Variants in CFTR observed in about 807,000 individuals in gnomAD.
CFTR encodes CF transmembrane conductance regulator, also known as cystic fibrosis transmembrane conductance regulator.
In CFTR, 181 loss-of-function variants were observed where a neutral mutation model predicts 171.6. That is an observed-to-expected ratio of 1.05 (90% CI 0.93 to 1.19). CFTR has a LOEUF of 1.19. Among genes scored for constraint, CFTR ranks in the 50% most tolerant of loss-of-function variants. The pLI is 0.00. For synonymous variants in CFTR, 583 were observed against 608.0 expected, an observed-to-expected ratio of 0.96 and a Z score of 0.60; for missense variants, 1,968 against 1,734.7, an observed-to-expected ratio of 1.13 and a Z score of -2.39.
intron 13 of CFTR, 134 bp from the exon 14 acceptor site, chr7:117,591,800 G>A: frequency 1.7e-6 from 1 of 578,248 alleles, no homozygotes; most frequent in Non-Finnish European, 2.9e-6. Context: ...AGTACTTATA[G>A]AATCATTTAA....
At position 117,587,427 on chromosome 7, in the gene CFTR, G is replaced by T. The variant is rs79526136; in HGVS notation, c.1585-312G>T. On this transcript the variant is annotated intron_variant, in intron 11 of 26. Transcript: ENST00000003084. ...ATTTGAATTTGTAAAATGGACCTATGGATGATCTACACATATTTATATACC... is the reference window on the plus strand; with the variant it reads ...ATTTGAATTTGTAAAATGGACCTATTGATGATCTACACATATTTATATACC... 4.6e-4 allele frequency among the ~76,000 whole-genome samples: 58 copies of T among 126,004 alleles called. 1 individual carries two copies. The East Asian group carries it at 0.013, about 27-fold the overall frequency. The allele number at this position is 126,004 out of a possible 152,430, so 82.7% of individuals were successfully genotyped here. A position where few individuals can be genotyped will look rare whatever the true frequency, so the allele number is the denominator to read the frequency against.
intron 8 of CFTR, among the ~76,000 whole-genome samples, chr7:117,541,650 AT>A (rs4148704): frequency 0.56 from 84,524 of 151,904 alleles, 26,487 homozygotes; most frequent in African/African-American, 0.86. Flanking sequence ...GAAGACATTC[AT>A]TTTTTTTCTC....
intron 17 of CFTR, chr7:117,604,834 C>G (rs928139958): frequency 6.6e-6 from 1 of 151,952 alleles, no homozygotes; most frequent in African/African-American, 2.4e-5. Context: ...AATCTGAGAC[C>G]CACAGAAGGC....
chr7:117,642,403 G>A (rs1792929813), intron 22 of CFTR, 35 bp from the exon 23 acceptor site: 1 of 1,590,392 alleles, frequency 6.3e-7, no homozygotes, highest in African/African-American at 1.3e-5. Flanking sequence ...GTACCTATAT[G>A]TCACAGAAGT....
intron 24 of CFTR, among the ~76,000 whole-genome samples, chr7:117,654,620 T>C (rs1793138967): frequency 6.6e-6 from 1 of 152,204 alleles, no homozygotes. Context: ...CAGTTTTCCC[T>C]GCTCTTGCAC....
chr7:117,540,233 A>G lies in CFTR; in HGVS notation c.1003A>G (p.Lys335Glu), dbSNP rs1431852129. 6.2e-7 allele frequency: 1 copy of G among 1,614,018 alleles called. No homozygotes were observed. The highest frequency in any genetic ancestry group is 8.5e-7 in the Non-Finnish European group (1 of 1,180,016). ...YALIKGIILRKIFTTISFCIV... is the reference protein window; with the variant it reads ...YALIKGIILREIFTTISFCIV... ...ACTAATCAAAGGAATCATCCTCCGG[A>G]AAATATTCACCACCATCTCATTCTG... The change falls in exon 8 of 27, where the codon AAA becomes GAA. Residue 335 changes from lysine (K) to glutamate (E), a missense_variant. Physicochemically the swap from Lys to Glu is moderately conservative, Grantham distance 56. Coordinates refer to ENST00000003084, the MANE Select transcript of CFTR (RefSeq NM_000492.4).
intron 11 of CFTR, chr7:117,564,599 A>G (rs1195946852): frequency 2.4e-5 from 4 of 166,806 alleles, no homozygotes; most frequent in Non-Finnish European, 4.4e-5. Context: ...CCAAATGCAA[A>G]CATTCATGAT....
At chr7:117,636,113 T>C (rs1792824538) in intron 22 of CFTR, among the ~76,000 whole-genome samples, 1 of 152,160 alleles carries the variant, frequency 6.6e-6, no homozygotes, top group Non-Finnish European at 1.5e-5. Flanking sequence ...TTCTTGACTT[T>C]TGAAGAATAA....
chr7:117,524,330 A>G (rs1798737101), intron 3 of CFTR, among the ~76,000 whole-genome samples: 1 of 151,956 alleles, frequency 6.6e-6, no homozygotes, highest in Non-Finnish European at 1.5e-5. Flanking sequence ...GCACATGTAA[A>G]TCCAGTGGCC....
chr7:117,502,732 G>A (rs1295970508), intron 1 of CFTR, among the ~76,000 whole-genome samples: 1 of 152,066 alleles, frequency 6.6e-6, no homozygotes, highest in Non-Finnish European at 1.5e-5. Flanking sequence ...TTGCTCTCCA[G>A]GAAAAATTAC....
chr7:117,507,672 A>G (rs1279213724), intron 2 of CFTR, among the ~76,000 whole-genome samples: 1 of 152,212 alleles, frequency 6.6e-6, no homozygotes, highest in East Asian at 1.9e-4. Context: ...AAAGGTAATT[A>G]GGCTTTATAG....
At chr7:117,525,493 C>T (rs1375571353) in intron 3 of CFTR, among the ~76,000 whole-genome samples, 15 of 95,812 alleles carry the variant, frequency 1.6e-4, no homozygotes, top group Non-Finnish European at 2.3e-4. Flanking sequence ...GTTAAAGTCT[C>T]CCATTATTAA....
chr7:117,629,275 T>C (rs1021929159), intron 22 of CFTR, among the ~76,000 whole-genome samples: 3 of 152,204 alleles, frequency 2.0e-5, no homozygotes, highest in African/African-American at 7.2e-5. Context: ...AGGCTATGGA[T>C]TGTGCCATTT....
At chr7:117,525,507 G>A (rs1237863578) in intron 3 of CFTR, among the ~76,000 whole-genome samples, 8 of 93,018 alleles carry the variant, frequency 8.6e-5, no homozygotes, top group African/African-American at 3.5e-4. Flanking sequence ...TTATTAATGT[G>A]TGGGAGTCTA....
intron 21 of CFTR, among the ~76,000 whole-genome samples, chr7:117,623,918 C>T (rs1331679753): frequency 6.6e-6 from 1 of 152,050 alleles, no homozygotes; most frequent in African/African-American, 2.4e-5. Context: ...GAGACATAAG[C>T]CACAGGTCCT....
chr7:117,664,752 G>C lies in CFTR; in HGVS notation c.4028G>C (p.Gly1343Ala), dbSNP rs773458471. 1 of 1,613,950 alleles carries C rather than the reference G, an allele frequency of 6.2e-7. No individual in the cohort carries two copies. Among genetic ancestry groups the C allele is most frequent in the Non-Finnish European group, 8.5e-7 (1 of 1,179,844 alleles). The change falls in exon 25 of 27, where the codon GGC becomes GCC. Residue 1343 changes from glycine to alanine, a missense_variant. Coordinates refer to ENST00000003084, the MANE Select transcript of CFTR (RefSeq NM_000492.4). The stretch of plus-strand genomic sequence containing the variant: ...CTTGACTTTGTCCTTGTGGATGGGG[G>C]CTGTGTCCTAAGCCATGGCCACAAG... Reference protein sequence around the residue: ...GKLDFVLVDGGCVLSHGHKQL... With the variant: ...GKLDFVLVDGACVLSHGHKQL...
At chr7:117,554,679 C>T (rs1323725985) in intron 10 of CFTR, among the ~76,000 whole-genome samples, 3 of 151,804 alleles carry the variant, frequency 2.0e-5, no homozygotes, top group Admixed American at 6.6e-5. Context: ...TGAAGAAAAC[C>T]CAATAAAATA....
chr7:117,614,506 G>C lies in CFTR; in HGVS notation c.3368-107G>C, dbSNP rs1451339185. ...AAATTGTTAAAATTAGCATAAAATT[G>C]AAATGTAAATTTAATGTGATATGTG... is the stretch of plus-strand genomic sequence containing the variant. On this transcript the variant is annotated intron_variant, in intron 20 of 26. Coordinates refer to ENST00000003084, the MANE Select transcript of CFTR (RefSeq NM_000492.4). 3.9e-6 allele frequency: 3 copies of C among 775,742 alleles called. No individual in the cohort carries two copies. The East Asian group carries it at 7.7e-5, about 20-fold the overall frequency. The allele number at this position is 775,742 out of a possible 1,614,324, so 48.1% of individuals were successfully genotyped here.
intron 21 of CFTR, among the ~76,000 whole-genome samples, chr7:117,623,936 G>A (rs908313449): frequency 1.2e-4 from 19 of 152,140 alleles, no homozygotes; most frequent in African/African-American, 4.6e-4. Flanking sequence ...CCTCTCACGT[G>A]CAGGAACTCC....
Sources: allele counts gnomAD v4.1 joint callset (sites outside exome capture counted in the v4.1 genomes callset), GRCh38; gene constraint gnomAD v4.1.1; transcripts MANE v1.5; gene names NCBI Gene and HGNC (gene_info 2026-07-23, HGNC 2026-07-21).